Variants in KCNIP4 observed in about 807,000 individuals in gnomAD.
KCNIP4 encodes the protein Kv channel-interacting protein 4.
A neutral mutation model predicts 34.0 loss-of-function variants in KCNIP4; 12 were observed. The ratio of observed to expected loss-of-function variants is 0.35; its 90% CI spans 0.23 to 0.57. The LOEUF is 0.57. Among genes scored for constraint, KCNIP4 ranks in the 20% least tolerant of loss-of-function variants. The probability of loss-of-function intolerance (pLI) is 0.83; values close to 1 mark genes in which losing one functional copy is unlikely to be tolerated. For synonymous variants in KCNIP4, 124 were observed against 102.2 expected (o/e 1.21, Z -1.29); for missense variants, 238 against 311.7 (o/e 0.76, Z 1.78).
intron 1 of KCNIP4, among the ~76,000 whole-genome samples, chr4:21,380,925 G>T (rs1389798944): frequency 3.3e-5 from 5 of 152,038 alleles, no homozygotes. Context: ...TAAGATTGTT[G>T]CAAGGTATAT....
intron 1 of KCNIP4, among the ~76,000 whole-genome samples, chr4:21,077,370 T>C (rs1745582475): frequency 6.6e-6 from 1 of 152,154 alleles, no homozygotes; most frequent in Non-Finnish European, 1.5e-5. Flanking sequence ...ATAAAAATCA[T>C]GTAGTCTTGC....
chr4:21,750,649 T>C (rs910811908), intron 1 of KCNIP4, among the ~76,000 whole-genome samples: 1 of 152,204 alleles, frequency 6.6e-6, no homozygotes, highest in African/African-American at 2.4e-5. Context: ...TTTTTATATA[T>C]ATCATCCTAA....
chr4:21,672,106 G>A (rs764151921), intron 1 of KCNIP4, among the ~76,000 whole-genome samples: 3 of 152,202 alleles, frequency 2.0e-5, no homozygotes, highest in South Asian at 2.1e-4. Flanking sequence ...CACAAGGAGG[G>A]GAACATCACA....
chr4:21,873,892 C>T (rs1725949240), intron 1 of KCNIP4, among the ~76,000 whole-genome samples: 1 of 152,172 alleles, frequency 6.6e-6, no homozygotes, highest in African/African-American at 2.4e-5. Context: ...CATTTGAGGG[C>T]AGGAAGGTGA....
chr4:21,862,585 A>G (rs192526472), intron 1 of KCNIP4, among the ~76,000 whole-genome samples: 133 of 152,290 alleles, frequency 8.7e-4, no homozygotes, highest in African/African-American at 3.0e-3. Context: ...AGAAAGTGAC[A>G]TTTAAGTAAG....
intron 2 of KCNIP4, among the ~76,000 whole-genome samples, chr4:20,852,398 C>A (rs1304150958): frequency 1.3e-5 from 2 of 152,138 alleles, no homozygotes; most frequent in African/African-American, 2.4e-5. Flanking sequence ...TCAGTAGATG[C>A]TGAAAACCAT....
chr4:20,881,221 C>T (rs979985938), intron 2 of KCNIP4, among the ~76,000 whole-genome samples: 7 of 152,120 alleles, frequency 4.6e-5, no homozygotes, highest in African/African-American at 1.7e-4. Context: ...AAACAAATTG[C>T]TATTCTATTC....
chr4:20,800,366 G>A (rs1714070844), intron 3 of KCNIP4, among the ~76,000 whole-genome samples: 1 of 152,166 alleles, frequency 6.6e-6, no homozygotes, highest in African/African-American at 2.4e-5. Flanking sequence ...AGGAACACAA[G>A]AAACACAGAA....
chr4:21,581,932 C>T (rs1741234233), intron 1 of KCNIP4, among the ~76,000 whole-genome samples: 1 of 147,924 alleles, frequency 6.8e-6, no homozygotes, highest in South Asian at 2.1e-4. Context: ...CGAGACCAAA[C>T]TTAAAAGAAG....
chr4:20,850,911 T>A, intron 2 of KCNIP4: 1 of 337,264 alleles, frequency 3.0e-6, no homozygotes, highest in African/African-American at 2.0e-5. Context: ...CTAGCATTGT[T>A]TTAAGACAAC....
At chr4:20,755,105 T>G (rs1284364479) in intron 4 of KCNIP4, among the ~76,000 whole-genome samples, 2 of 152,146 alleles carry the variant, frequency 1.3e-5, no homozygotes, top group East Asian at 3.9e-4. Flanking sequence ...GTCTGTGGTT[T>G]GTTAGAAGGG....
At chr4:21,614,351 C>T (rs1744418241) in intron 1 of KCNIP4, among the ~76,000 whole-genome samples, 1 of 151,806 alleles carries the variant, frequency 6.6e-6, no homozygotes, top group East Asian at 1.9e-4. Flanking sequence ...TCTGGTCAAA[C>T]AAGCTCAACA....
In KCNIP4 at chr4:21,229,622, GT is replaced by G. The variant is rs771752646; in HGVS notation, c.62-346914del. On this transcript the variant is annotated intron_variant, in intron 1 of 8. Coordinates refer to ENST00000382152, the MANE Select transcript of KCNIP4 (RefSeq NM_025221.6). Reference sequence around the variant, plus strand: ...AAGCTATTTGGCAAGTGCAAAGAGTGTTTTGCACTGCATAATACAGAAGATG... The same window carrying G: ...AAGCTATTTGGCAAGTGCAAAGAGTGTTTGCACTGCATAATACAGAAGATG... 2.0e-5 allele frequency among the ~76,000 whole-genome samples: 3 copies of G among 152,162 alleles called. No individual in the cohort carries two copies. In the East Asian group the frequency reaches 5.8e-4, roughly 29 times the overall value.
chr4:21,192,708 A>G (rs1484416211), intron 1 of KCNIP4, among the ~76,000 whole-genome samples: 1 of 152,166 alleles, frequency 6.6e-6, no homozygotes, highest in Non-Finnish European at 1.5e-5. Flanking sequence ...AAAGGGTCAC[A>G]TGTATTACTT....
intron 1 of KCNIP4, among the ~76,000 whole-genome samples, chr4:21,716,260 A>G (rs1425861136): frequency 6.6e-6 from 1 of 152,028 alleles, no homozygotes; most frequent in Non-Finnish European, 1.5e-5. Context: ...TTTTTGAGAT[A>G]GAGTCTTGTT....
rs529021320 is a variant in KCNIP4, at chr4:21,493,233, A to G, written c.61+455338T>C. On this transcript the variant is annotated intron_variant, in intron 1 of 8. Transcript: ENST00000382152. ...AGCTCGTGCACCTGTTGTCAATTCA[A>G]TTTACCCCACAGCCTCTAAACACTG... 2.0e-5 allele frequency among the ~76,000 whole-genome samples: 3 copies of G among 152,132 alleles called. No individual in the cohort carries two copies. In the East Asian group the frequency reaches 5.8e-4, roughly 29 times the overall value.
At chr4:20,817,418 T>C (rs1716546681) in intron 3 of KCNIP4, among the ~76,000 whole-genome samples, 3 of 152,210 alleles carry the variant, frequency 2.0e-5, no homozygotes, top group African/African-American at 7.2e-5. Context: ...AGCTCCACGC[T>C]GCTCCCATCC....
intron 1 of KCNIP4, among the ~76,000 whole-genome samples, chr4:21,232,720 TAAGA>T (rs1758889176): frequency 6.6e-6 from 1 of 152,196 alleles, no homozygotes. Context: ...TGCAAAGCGT[TAAGA>T]GTTATTCTTG....
At chr4:21,772,919 T>G (rs1213593661) in intron 1 of KCNIP4, among the ~76,000 whole-genome samples, 1 of 152,198 alleles carries the variant, frequency 6.6e-6, no homozygotes, top group Non-Finnish European at 1.5e-5. Flanking sequence ...TCTATCTCAT[T>G]CAGTTATGCT....
Sources: gnomAD v4.1 joint callset for allele counts (sites outside exome capture counted in the v4.1 genomes callset) on GRCh38, gnomAD v4.1.1 for gene constraint, MANE v1.5 for transcripts, NCBI Gene and HGNC (gene_info 2026-07-23, HGNC 2026-07-21) for gene names.